Variants in PRKCA observed in about 807,000 individuals in gnomAD.
The protein encoded by PRKCA is protein kinase C alpha type.
Under a neutral mutation model 87.0 loss-of-function variants are expected in PRKCA, and 27 were observed. The ratio of observed to expected loss-of-function variants is 0.31; its 90% CI spans 0.23 to 0.43. The LOEUF (loss-of-function observed/expected upper bound fraction) is 0.43, where lower values mean the gene tolerates loss of function less well. Ranked by LOEUF, PRKCA falls within the 20% of genes least tolerant of loss-of-function variation. The pLI is 1.00. For missense variants in PRKCA, 518 were observed against 852.3 expected, an observed-to-expected ratio of 0.61 and a Z score of 4.88; for synonymous variants, 329 against 311.1, an observed-to-expected ratio of 1.06 and a Z score of -0.61.
chr17:66,788,256 G>A (rs745468133), intron 15 of PRKCA, among the ~76,000 whole-genome samples: 3 of 152,180 alleles, frequency 2.0e-5, no homozygotes, highest in African/African-American at 7.2e-5. Flanking sequence ...TACTGAGATC[G>A]GGAGGAACTG....
At chr17:66,589,008 T>C (rs529327808) in intron 3 of PRKCA, among the ~76,000 whole-genome samples, 1 of 152,324 alleles carries the variant, frequency 6.6e-6, no homozygotes, top group South Asian at 2.1e-4. Context: ...CCAGGGTCAC[T>C]TGTTTGAGAC....
chr17:66,452,541 G>A (rs1299885962), intron 2 of PRKCA, among the ~76,000 whole-genome samples: 1 of 152,184 alleles, frequency 6.6e-6, no homozygotes, highest in African/African-American at 2.4e-5. Context: ...ACCTCGAGGA[G>A]TGTTTTTGTT....
chr17:66,315,017 ATATG>A (rs1905247168), intron 2 of PRKCA, among the ~76,000 whole-genome samples: 1 of 151,886 alleles, frequency 6.6e-6, no homozygotes, highest in South Asian at 2.1e-4. Flanking sequence ...GTGTGTATAT[ATATG>A]TGTGTGTGTA....
chr17:66,645,462 G>T lies in PRKCA; in HGVS notation c.480G>T (p.Gly160=). 6.2e-7 allele frequency: 1 copy of T among 1,614,234 alleles called. No homozygotes were observed. Among genetic ancestry groups the T allele is most frequent in the Non-Finnish European group, 8.5e-7 (1 of 1,180,034 alleles). ...GAATGGATCACACTGAGAAGAGGGG[G>T]CGGATTTACCTAAAGGCTGAGGTTG... ...LCGMDHTEKR[G]RIYLKAEVAD... The change falls in exon 5 of 17, where the codon GGG becomes GGT. Residue 160 remains glycine, a synonymous_variant. Coordinates refer to ENST00000413366, the MANE Select transcript of PRKCA (RefSeq NM_002737.3).
intron 3 of PRKCA, among the ~76,000 whole-genome samples, chr17:66,548,995 T>TG (rs1567891428): frequency 3.9e-5 from 6 of 152,040 alleles, no homozygotes; most frequent in African/African-American, 1.4e-4. Flanking sequence ...TTGGTAGAGA[T>TG]GGGGTTTTGC....
At chr17:66,543,134 A>C (rs935705687) in intron 3 of PRKCA, among the ~76,000 whole-genome samples, 2 of 152,214 alleles carry the variant, frequency 1.3e-5, no homozygotes, top group African/African-American at 2.4e-5. Context: ...TTGTGTTATA[A>C]ATTTTGCCTG....
At chr17:66,473,090 C>T (rs1447661207) in intron 2 of PRKCA, among the ~76,000 whole-genome samples, 1 of 152,134 alleles carries the variant, frequency 6.6e-6, no homozygotes, top group Non-Finnish European at 1.5e-5. Flanking sequence ...CACTCCCCCA[C>T]TCCCCCATTC....
At chr17:66,761,098 G>A (rs549358728) in intron 13 of PRKCA, among the ~76,000 whole-genome samples, 4 of 152,242 alleles carry the variant, frequency 2.6e-5, no homozygotes, top group Admixed American at 6.5e-5. Context: ...TAGGCTGGGC[G>A]CAGTGGCTCA....
chr17:66,475,340 G>A (rs936024746), intron 2 of PRKCA, among the ~76,000 whole-genome samples: 11 of 151,874 alleles, frequency 7.2e-5, no homozygotes, highest in African/African-American at 2.7e-4. Flanking sequence ...TGGCAGCCAT[G>A]GCACCTCATT....
chr17:66,728,436 C>T (rs1973807919), intron 8 of PRKCA, among the ~76,000 whole-genome samples: 1 of 152,204 alleles, frequency 6.6e-6, no homozygotes, highest in South Asian at 2.1e-4. Flanking sequence ...GAGCAGGAAG[C>T]GTGTGGCGTC....
intron 3 of PRKCA, among the ~76,000 whole-genome samples, chr17:66,641,150 C>G (rs1430775692): frequency 2.4e-5 from 3 of 126,856 alleles, no homozygotes; most frequent in Admixed American, 7.8e-5. Flanking sequence ...GAGCAAGACT[C>G]TGTCTCAAAA....
chr17:66,570,073 C>G (rs1371798848), intron 3 of PRKCA, among the ~76,000 whole-genome samples: 1 of 152,180 alleles, frequency 6.6e-6, no homozygotes, highest in African/African-American at 2.4e-5. Flanking sequence ...AATGAAAAAC[C>G]TGTTATGTGC....
chr17:66,386,049 C>T (rs922307285), intron 2 of PRKCA, among the ~76,000 whole-genome samples: 3 of 152,184 alleles, frequency 2.0e-5, no homozygotes, highest in Admixed American at 6.5e-5. Context: ...TGAGAGCCAC[C>T]GCGCCCAGCC....
At chr17:66,514,181 A>G (rs1966887717) in intron 3 of PRKCA, among the ~76,000 whole-genome samples, 1 of 152,182 alleles carries the variant, frequency 6.6e-6, no homozygotes. Flanking sequence ...GGAAAAACAT[A>G]GTATATATAG....
At chr17:66,718,547 G>A (rs1289544563) in intron 8 of PRKCA, among the ~76,000 whole-genome samples, 1 of 152,140 alleles carries the variant, frequency 6.6e-6, no homozygotes, top group African/African-American at 2.4e-5. Context: ...CAAACTCCCA[G>A]CCTCAAGCTA....
intron 3 of PRKCA, among the ~76,000 whole-genome samples, chr17:66,596,361 C>T (rs147871307): frequency 4.9e-4 from 74 of 152,174 alleles, no homozygotes; most frequent in African/African-American, 1.6e-3. Context: ...CAATTGGATG[C>T]GTTTTTCCTT....
At chr17:66,420,540 A>G (rs975046535) in intron 2 of PRKCA, among the ~76,000 whole-genome samples, 1 of 152,164 alleles carries the variant, frequency 6.6e-6, no homozygotes, top group African/African-American at 2.4e-5. Context: ...GATACTTAAC[A>G]TTTTATTATC....
At chr17:66,334,643 T>C (rs1567776785) in intron 2 of PRKCA, among the ~76,000 whole-genome samples, 2 of 152,218 alleles carry the variant, frequency 1.3e-5, no homozygotes, top group African/African-American at 4.8e-5. Flanking sequence ...TTAGAACTCT[T>C]GTGCATTGCT....
intron 3 of PRKCA, among the ~76,000 whole-genome samples, chr17:66,542,415 G>A (rs1200452286): frequency 5.3e-5 from 8 of 152,084 alleles, no homozygotes; most frequent in Non-Finnish European, 8.8e-5. Flanking sequence ...CATAGAAGTC[G>A]CACATGAGAG....
Sources: allele counts gnomAD v4.1 joint callset (sites outside exome capture counted in the v4.1 genomes callset), GRCh38; gene constraint gnomAD v4.1.1; transcripts MANE v1.5; gene names NCBI Gene and HGNC (gene_info 2026-07-23, HGNC 2026-07-21).